PCDHGA7: variants seen among roughly 807,000 people sequenced by gnomAD.
The protein encoded by PCDHGA7 is protocadherin gamma subfamily A, 7.
In PCDHGA7, 44 loss-of-function variants were observed where a neutral mutation model predicts 58.3. The observed-to-expected ratio is 0.75, with a 90% CI of 0.59 to 0.97. PCDHGA7 has a LOEUF of 0.97. Among genes scored for constraint, PCDHGA7 ranks in the 50% least tolerant of loss-of-function variants. The pLI is 0.00. For synonymous variants in PCDHGA7, 516 were observed against 504.2 expected (o/e 1.02, Z -0.31); for missense variants, 1,266 against 1,188.7 (o/e 1.06, Z -0.96).
At chr5:141,407,314 T>G (rs2094914230) in intron 1 of PCDHGA7, among the ~76,000 whole-genome samples, 1 of 152,212 alleles carries the variant, frequency 6.6e-6, no homozygotes, top group Non-Finnish European at 1.5e-5. Flanking sequence ...CCTTCATACT[T>G]AGTATTTATA....
intron 3 of PCDHGA7, among the ~76,000 whole-genome samples, chr5:141,508,761 C>G (rs943236216): frequency 6.6e-6 from 1 of 151,974 alleles, no homozygotes; most frequent in Admixed American, 6.6e-5. Context: ...TCTGGCGCCT[C>G]TGAGGTCCCC....
chr5:141,414,009 TGGA>T (rs2095701451), intron 1 of PCDHGA7: 2 of 1,612,964 alleles, frequency 1.2e-6, no homozygotes, highest in Middle Eastern at 1.7e-4. Context: ...AAGGTGCCAA[TGGA>T]GAAGTGACAT....
At chr5:141,411,215 A>C (rs1202378654) in intron 1 of PCDHGA7, 1 of 152,270 alleles carries the variant, frequency 6.6e-6, no homozygotes, top group Non-Finnish European at 1.5e-5. Context: ...TAACCTATCT[A>C]TTCAAATTTG....
chr5:141,491,199 C>T lies in PCDHGA7; in HGVS notation c.2425-3608C>T. ...TGGTCCTGGTGAGGGACAATGGTGA[C>T]CCTTCACTCTCCTCCACAGCCACAG... On this transcript the variant is annotated intron_variant, in intron 1 of 3. Coordinates refer to ENST00000518325, the MANE Select transcript of PCDHGA7 (RefSeq NM_018920.4). The surrounding 1 kb of genome is among the most constrained non-coding windows in gnomAD (Gnocchi z 6.9). 1 of 1,614,190 alleles carries T rather than the reference C, an allele frequency of 6.2e-7. No homozygotes were observed. Among genetic ancestry groups the T allele is most frequent in the South Asian group, 1.1e-5 (1 of 91,086 alleles).
At chr5:141,422,724 G>A (rs560544401) in intron 1 of PCDHGA7, 9 of 1,606,016 alleles carry the variant, frequency 5.6e-6, no homozygotes, top group East Asian at 2.2e-5. Flanking sequence ...CTGTCCAGGG[G>A]GTGCCTCTGT....
At chr5:141,464,116 T>A (rs1195883274) in intron 1 of PCDHGA7, among the ~76,000 whole-genome samples, 1 of 151,922 alleles carries the variant, frequency 6.6e-6, no homozygotes, top group African/African-American at 2.4e-5. Context: ...AATACAAAAA[T>A]TAGCTGGGTG....
At chr5:141,452,082 T>C (rs924362905) in intron 1 of PCDHGA7, among the ~76,000 whole-genome samples, 6 of 152,358 alleles carry the variant, frequency 3.9e-5, no homozygotes, top group Admixed American at 6.5e-5. Flanking sequence ...GTTGGCATTA[T>C]ACAGTAAGAA....
At chr5:141,424,982 G>T (rs2096852076) in intron 1 of PCDHGA7, among the ~76,000 whole-genome samples, 1 of 152,106 alleles carries the variant, frequency 6.6e-6, no homozygotes, top group South Asian at 2.1e-4. Context: ...GGATATTTAT[G>T]TTCCCTTTCA....
At chr5:141,478,694 T>A (rs2099472305) in intron 1 of PCDHGA7, 1 of 1,550,598 alleles carries the variant, frequency 6.4e-7, no homozygotes, top group Admixed American at 2.0e-5. Flanking sequence ...TAGATCAAAG[T>A]TAGTGCCTTT....
rs2099427481 is a variant in PCDHGA7 at position 141,477,973 on chromosome 5, T to A, written c.2425-16834T>A. On this transcript the variant is annotated intron_variant, in intron 1 of 3. Coordinates refer to ENST00000518325, the MANE Select transcript of PCDHGA7 (RefSeq NM_018920.4). The surrounding 1 kb of genome is among the most constrained non-coding windows in gnomAD (Gnocchi z 4.9). The stretch of plus-strand genomic sequence containing the variant: ...TGGGATCCCCTAACCAGAGCCTTTT[T>A]GCCATAGGGCTGCACACTGGTCAAA... 1 of 1,614,030 alleles carries A rather than the reference T, an allele frequency of 6.2e-7. No individual in the cohort carries two copies. The highest frequency in any genetic ancestry group is 8.5e-7 in the Non-Finnish European group (1 of 1,180,030).
chr5:141,429,910 T>C (rs2097252047), intron 1 of PCDHGA7, among the ~76,000 whole-genome samples: 1 of 152,230 alleles, frequency 6.6e-6, no homozygotes, highest in East Asian at 1.9e-4. Context: ...TTTTGAAATA[T>C]AATGTATTAA....
chr5:141,413,217 C>A (rs762828191), intron 1 of PCDHGA7: 8 of 1,613,184 alleles, frequency 5.0e-6, no homozygotes, highest in African/African-American at 1.3e-5. Context: ...CAAAGGATTG[C>A]AGCGGGCTGG....
chr5:141,400,776 G>A (rs1461818790), intron 1 of PCDHGA7: 9 of 557,602 alleles, frequency 1.6e-5, no homozygotes, highest in Middle Eastern at 4.6e-4. Context: ...CATTTGGTGC[G>A]TTTTTTTGTC....
intron 1 of PCDHGA7, among the ~76,000 whole-genome samples, chr5:141,448,214 G>A (rs2098576063): frequency 6.6e-6 from 1 of 152,092 alleles, no homozygotes; most frequent in Non-Finnish European, 1.5e-5. Context: ...CTGTGTGTAT[G>A]CGAATGTATG....
At chr5:141,403,226 C>T (rs1329726577) in intron 1 of PCDHGA7, 1 of 1,613,926 alleles carries the variant, frequency 6.2e-7, no homozygotes, top group South Asian at 1.1e-5. Flanking sequence ...TAGGATAGAC[C>T]GGGAGGAGCT....
intron 1 of PCDHGA7, among the ~76,000 whole-genome samples, chr5:141,469,864 C>T (rs963843852): frequency 6.6e-6 from 1 of 152,218 alleles, no homozygotes; most frequent in African/African-American, 2.4e-5. Flanking sequence ...GGTGCAATGG[C>T]TCACGCCTGT....
chr5:141,404,718 C>G (rs747745561), intron 1 of PCDHGA7: 1 of 1,614,072 alleles, frequency 6.2e-7, no homozygotes, highest in Admixed American at 1.7e-5. Context: ...TACCTGGTGA[C>G]CAAGGTGGTG....
In PCDHGA7 at chr5:141,476,466, A is replaced by C. The variant is rs771760524; in HGVS notation, c.2425-18341A>C. The C allele has an allele frequency of 6.2e-7, 1 of 1,613,996 alleles. No individual in the cohort carries two copies. Reference sequence around the variant, plus strand: ...GAGTTGGTAGTGGAGAACCCGCTGGAGCTGTTCAGCGTGGAAGTGGTGATC... The same window carrying C: ...GAGTTGGTAGTGGAGAACCCGCTGGCGCTGTTCAGCGTGGAAGTGGTGATC... On this transcript the variant is annotated intron_variant, in intron 1 of 3. Transcript: ENST00000518325. This position sits in a 1 kb window ranked among gnomAD's most constrained non-coding sequence, Gnocchi z 7.6.
Position 141,415,580 on chromosome 5 carries a change from A to C in PCDHGA7, c.2424+30257A>C, listed in dbSNP as rs773634634. The C allele has an allele frequency of 4.3e-6, 7 of 1,613,976 alleles. No individual in the cohort carries two copies. The Admixed American group carries it at 1.2e-4, about 27-fold the overall frequency. Reference sequence around the variant, plus strand: ...CCTTTGTCTTTGTTAGATGATTCGAAGTTTCCTATAGAGGATACCCCATTG... The same window carrying C: ...CCTTTGTCTTTGTTAGATGATTCGACGTTTCCTATAGAGGATACCCCATTG... On this transcript the variant is annotated intron_variant, in intron 1 of 3. Transcript: ENST00000518325.
Sources: allele counts gnomAD v4.1 joint callset (sites outside exome capture counted in the v4.1 genomes callset), GRCh38; gene constraint gnomAD v4.1.1; non-coding constraint Gnocchi (gnomAD v3.1); transcripts MANE v1.5; gene names NCBI Gene and HGNC (gene_info 2026-07-23, HGNC 2026-07-21).